Variants in SPON1 observed in about 807,000 individuals in gnomAD.
The protein encoded by SPON1 is spondin 1.
SPON1 carries 52 observed loss-of-function variants against 111.7 expected under a neutral mutation model. That is an observed-to-expected ratio of 0.47 (90% CI 0.37 to 0.59). The LOEUF is 0.59. Among genes scored for constraint, SPON1 ranks in the 20% least tolerant of loss-of-function variants. The pLI is 0.00. For missense variants in SPON1, 957 were observed against 1,068.5 expected (o/e 0.90, Z 1.46); for synonymous variants, 410 against 395.8 (o/e 1.04, Z -0.43).
intron 6 of SPON1, among the ~76,000 whole-genome samples, chr11:14,184,400 T>A (rs1403225334): frequency 6.6e-6 from 1 of 152,194 alleles, no homozygotes; most frequent in Non-Finnish European, 1.5e-5. Flanking sequence ...AGAGATTAAT[T>A]TATTAATTGA....
At chr11:14,245,286 C>T (rs1219525626) in intron 7 of SPON1, among the ~76,000 whole-genome samples, 2 of 152,124 alleles carry the variant, frequency 1.3e-5, no homozygotes, top group African/African-American at 2.4e-5. Flanking sequence ...TTTAACCATT[C>T]AGCAAACTAA....
chr11:14,096,155 G>T (rs1413964093), intron 5 of SPON1, among the ~76,000 whole-genome samples: 3 of 152,152 alleles, frequency 2.0e-5, no homozygotes, highest in African/African-American at 7.2e-5. Flanking sequence ...CCTTCCTTCT[G>T]CCTCTCTGGA....
chr11:14,217,278 G>A (rs1057015172), intron 6 of SPON1, among the ~76,000 whole-genome samples: 1 of 152,154 alleles, frequency 6.6e-6, no homozygotes, highest in Non-Finnish European at 1.5e-5. Context: ...AGATCTAAAA[G>A]TAGCCCTATT....
In SPON1 at chr11:14,257,965, TCAGA is replaced by T. The variant is rs1216585815; in HGVS notation, c.1492+71_1492+74del. 1.2e-4 allele frequency: 172 copies of T among 1,404,208 alleles called. 1 individual carries two copies. The African/African-American group carries it at 2.2e-3, about 18-fold the overall frequency. 87.0% of individuals were successfully genotyped at this position (1,404,208 alleles called of 1,614,324 possible). ...CAGGAAGGGAGGGTCTGCCTAGCAGTCAGACAGTGTCCCTGGTGAGGGCACAAGG... is the reference window on the plus strand; with the variant it reads ...CAGGAAGGGAGGGTCTGCCTAGCAGTCAGTGTCCCTGGTGAGGGCACAAGG... On this transcript the variant is annotated intron_variant, in intron 11 of 15. Coordinates refer to ENST00000576479, the MANE Select transcript of SPON1 (RefSeq NM_006108.4).
chr11:14,048,216 G>A (rs1031403050), intron 3 of SPON1, among the ~76,000 whole-genome samples: 1 of 151,430 alleles, frequency 6.6e-6, no homozygotes, highest in East Asian at 1.9e-4. Context: ...TCCAGCCTGG[G>A]CAACAAGAGT....
intron 2 of SPON1, among the ~76,000 whole-genome samples, chr11:14,033,684 A>C (rs1312200585): frequency 7.9e-5 from 12 of 152,228 alleles, no homozygotes; most frequent in African/African-American, 2.2e-4. Context: ...GCCTAGAAAA[A>C]TCATTCTATT....
chr11:14,031,462 G>T (rs1298688903), intron 2 of SPON1, among the ~76,000 whole-genome samples: 6 of 152,250 alleles, frequency 3.9e-5, no homozygotes, highest in African/African-American at 7.2e-5. Flanking sequence ...ACTGAATAAC[G>T]CAGTCAATGC....
At chr11:14,122,425 A>G (rs1053276442) in intron 5 of SPON1, among the ~76,000 whole-genome samples, 5 of 152,166 alleles carry the variant, frequency 3.3e-5, no homozygotes, top group African/African-American at 9.7e-5. Context: ...TGCCCGCCTC[A>G]GCCTCCCAAA....
chr11:14,017,701 C>T (rs188957298), intron 2 of SPON1, among the ~76,000 whole-genome samples: 75 of 152,352 alleles, frequency 4.9e-4, no homozygotes, highest in Non-Finnish European at 3.8e-4. Context: ...ATTGGGCACA[C>T]TGTCTTTCCA....
At chr11:14,061,796 G>A (rs1280268772) in intron 3 of SPON1, among the ~76,000 whole-genome samples, 4 of 152,304 alleles carry the variant, frequency 2.6e-5, no homozygotes, top group Middle Eastern at 3.4e-3. Flanking sequence ...TAATTAATGC[G>A]ATTTTCCTAA....
In SPON1 at chr11:14,161,846, A is replaced by C. The variant is rs1847969045; in HGVS notation, c.825+26278A>C. Among the ~76,000 whole-genome samples the C allele has an allele frequency of 3.3e-5, 5 of 152,222 alleles. No homozygotes were observed. In the South Asian group the frequency reaches 1.0e-3, roughly 32 times the overall value. Reference sequence around the variant, plus strand: ...CCATCATAAGATGGGGACTATCTGTATATTAAAATAATGAAGGTTTTCCAC... The same window carrying C: ...CCATCATAAGATGGGGACTATCTGTCTATTAAAATAATGAAGGTTTTCCAC... On this transcript the variant is annotated intron_variant, in intron 6 of 15. Coordinates refer to ENST00000576479, the MANE Select transcript of SPON1 (RefSeq NM_006108.4).
At chr11:14,255,846 T>C in intron 9 of SPON1, 59 bp downstream of exon 9, 1 of 1,564,614 alleles carries the variant, frequency 6.4e-7, no homozygotes, top group East Asian at 2.3e-5. Flanking sequence ...CCAGGGAGAT[T>C]GTACACCCTT....
At chr11:14,107,340 C>T (rs761492741) in intron 5 of SPON1, among the ~76,000 whole-genome samples, 4 of 152,142 alleles carry the variant, frequency 2.6e-5, no homozygotes, top group Non-Finnish European at 5.9e-5. Flanking sequence ...ATTCAAGGCA[C>T]AGTCTTTTCA....
intron 4 of SPON1, 81 bp from the exon 5 acceptor site, chr11:14,079,818 A>G: frequency 4.0e-6 from 6 of 1,496,254 alleles, no homozygotes; most frequent in Non-Finnish European, 5.5e-6. Flanking sequence ...AGGGTTAAGG[A>G]TAAAATGAGA....
At chr11:14,253,184 G>C (rs1554940797) in intron 7 of SPON1, among the ~76,000 whole-genome samples, 1 of 152,218 alleles carries the variant, frequency 6.6e-6, no homozygotes, top group Non-Finnish European at 1.5e-5. Flanking sequence ...CTCCACTCCT[G>C]TGGCAGAACC....
At chr11:14,201,764 T>G (rs1172086867) in intron 6 of SPON1, among the ~76,000 whole-genome samples, 2 of 152,172 alleles carry the variant, frequency 1.3e-5, no homozygotes, top group African/African-American at 4.8e-5. Flanking sequence ...TAATGTATGA[T>G]GATGATTATT....
intron 2 of SPON1, among the ~76,000 whole-genome samples, chr11:14,006,681 G>A (rs1591348375): frequency 6.6e-6 from 1 of 152,102 alleles, no homozygotes. Context: ...CATCATCTCA[G>A]TAACACTTCT....
At chr11:14,229,951 C>CGTGT (rs55709324) in intron 6 of SPON1, among the ~76,000 whole-genome samples, 4,573 of 145,018 alleles carry the variant, frequency 0.032, 87 homozygotes, top group African/African-American at 0.044. Context: ...TCTGTGTGTC[C>CGTGT]GTGTGTGTGT....
chr11:14,162,174 G>T (rs1335208444), intron 6 of SPON1, among the ~76,000 whole-genome samples: 1 of 122,380 alleles, frequency 8.2e-6, no homozygotes, highest in Admixed American at 8.3e-5. Context: ...AAAAAAAAAA[G>T]ACAAAATAAT....
Sources: gnomAD v4.1 joint callset for allele counts (sites outside exome capture counted in the v4.1 genomes callset) on GRCh38, gnomAD v4.1.1 for gene constraint, MANE v1.5 for transcripts, NCBI Gene and HGNC (gene_info 2026-07-23, HGNC 2026-07-21) for gene names.